The following ACAP2 variants were observed in gnomAD, a reference collection of about 807,000 sequenced individuals.
The protein encoded by ACAP2 is arf-GAP with coiled-coil, ANK repeat and PH domain-containing protein 2.
ACAP2 carries 39 observed loss-of-function variants against 115.8 expected under a neutral mutation model. The ratio of observed to expected loss-of-function variants is 0.34; its 90% CI spans 0.26 to 0.44. The LOEUF (loss-of-function observed/expected upper bound fraction) is 0.44, where lower values mean the gene tolerates loss of function less well. ACAP2 is among the 20% of genes least tolerant of loss of function. The pLI is 1.00. For synonymous variants in ACAP2, 289 were observed against 315.8 expected (o/e 0.92, Z 0.90); for missense variants, 662 against 927.6 (o/e 0.71, Z 3.72).
At chr3:195,336,778 A>C (rs1730535638) in intron 7 of ACAP2, 154 bp downstream of exon 7, 3 of 657,744 alleles carry the variant, frequency 4.6e-6, no homozygotes, top group Non-Finnish European at 8.0e-6. Context: ...GACAAAAAGA[A>C]GTCCAGTGCC....
At chr3:195,290,211 A>T (rs1487272792) in intron 20 of ACAP2, among the ~76,000 whole-genome samples, 6 of 152,050 alleles carry the variant, frequency 3.9e-5, no homozygotes, top group Non-Finnish European at 7.4e-5. Flanking sequence ...TCTAAAAAAA[A>T]TTTAAAAATT....
chr3:195,385,575 T>A (rs1734247169), intron 2 of ACAP2, among the ~76,000 whole-genome samples: 1 of 151,760 alleles, frequency 6.6e-6, no homozygotes, highest in Admixed American at 6.6e-5. Flanking sequence ...AACTTCTAGA[T>A]TAGCAGCAAG....
intron 9 of ACAP2, among the ~76,000 whole-genome samples, chr3:195,321,841 G>A (rs1729476546): frequency 6.6e-6 from 1 of 152,016 alleles, no homozygotes; most frequent in African/African-American, 2.4e-5. Context: ...TCAAACTCCT[G>A]ACTTCAAGTG....
At chr3:195,429,378 C>CAAA (rs546876570) in intron 1 of ACAP2, among the ~76,000 whole-genome samples, 4 of 89,064 alleles carry the variant, frequency 4.5e-5, no homozygotes, top group East Asian at 2.6e-4. Flanking sequence ...GACTCCATCT[C>CAAA]AAAAAAAAAA....
intron 4 of ACAP2, among the ~76,000 whole-genome samples, chr3:195,353,818 TTC>T: frequency 6.6e-6 from 1 of 152,332 alleles, no homozygotes; most frequent in Middle Eastern, 3.4e-3. Context: ...TTTTTCTCTT[TTC>T]TGCTTTTCAA....
chr3:195,343,619 C>T (rs747267987), intron 5 of ACAP2, among the ~76,000 whole-genome samples: 2 of 152,144 alleles, frequency 1.3e-5, no homozygotes, highest in East Asian at 1.9e-4. Context: ...TCTGTGGTCT[C>T]ACATTATTGC....
At chr3:195,414,094 A>C (rs758924889) in intron 1 of ACAP2, among the ~76,000 whole-genome samples, 26 of 152,204 alleles carry the variant, frequency 1.7e-4, no homozygotes, top group Non-Finnish European at 3.5e-4. Flanking sequence ...AGAGAATTGC[A>C]GATTAAACAA....
chr3:195,377,570 A>T (rs1035359780), intron 4 of ACAP2, among the ~76,000 whole-genome samples: 3 of 152,180 alleles, frequency 2.0e-5, no homozygotes. Flanking sequence ...AATTAACGTG[A>T]AGTATAACAG....
chr3:195,369,606 G>C (rs1306046840), intron 4 of ACAP2, among the ~76,000 whole-genome samples: 1 of 152,156 alleles, frequency 6.6e-6, no homozygotes, highest in Non-Finnish European at 1.5e-5. Flanking sequence ...TTTTATGGCT[G>C]CACAGTATTC....
At chr3:195,287,129 G>A (rs1726895116) in intron 21 of ACAP2, among the ~76,000 whole-genome samples, 1 of 152,196 alleles carries the variant, frequency 6.6e-6, no homozygotes, top group Admixed American at 6.6e-5. Flanking sequence ...CTTCTCCAAT[G>A]AGGGGGGATA....
intron 1 of ACAP2, among the ~76,000 whole-genome samples, chr3:195,423,798 T>A (rs567495299): frequency 6.6e-6 from 1 of 152,296 alleles, no homozygotes; most frequent in African/African-American, 2.4e-5. Flanking sequence ...AAATTTTATA[T>A]AATTTTCATG....
In ACAP2 at chr3:195,302,152, G is replaced by A; in HGVS notation, c.1139C>T (p.Pro380Leu). Residue 380 changes from proline (P) to leucine (L), a missense_variant, in exon 14 of 23, where the codon CCA becomes CTA. By Grantham distance (98) the Pro-to-Leu change is moderately conservative. Coordinates refer to ENST00000326793, the MANE Select transcript of ACAP2 (RefSeq NM_012287.6). The part of the protein sequence containing the change: ...ESEKLDKKSS[P>L]STGSLDSGNE... Reference sequence around the variant, plus strand: ...TCCAGAATCTAGGCTTCCTGTGGATGGAGATGATTTCTTATCCAGCTTCTA... The same window carrying A: ...TCCAGAATCTAGGCTTCCTGTGGATAGAGATGATTTCTTATCCAGCTTCTA... 6.2e-7 allele frequency: 1 copy of A among 1,613,140 alleles called. No individual in the cohort carries two copies. The highest frequency in any genetic ancestry group is 8.5e-7 in the Non-Finnish European group (1 of 1,179,680).
rs1457935285 is a variant in ACAP2, at chr3:195,381,850, AT to A, written c.231+52del. On this transcript the variant is annotated intron_variant, in intron 3 of 22. Transcript: ENST00000326793. ...AGGTAGATGAATGCACAATTCTTTA[AT>A]GTCTTATTGCTTTTTTTTTTCATTT... is the stretch of plus-strand genomic sequence containing the variant. 1.9e-6 allele frequency: 3 copies of A among 1,550,856 alleles called. No homozygotes were observed. In the African/African-American group the frequency reaches 4.2e-5, roughly 22 times the overall value.
Position 195,279,102 on chromosome 3 carries a change from G to A in ACAP2, c.*226C>T, listed in dbSNP as rs1207830797. On this transcript the variant is annotated 3_prime_UTR_variant, in exon 23 of 23. Transcript: ENST00000326793. ...GACTGAACTTCTGTCTACAGAAATA[G>A]CCCTTTAAATAGGCTTTTTTAATAA... 5.5e-6 allele frequency: 2 copies of A among 365,734 alleles called. No homozygotes were observed. The highest frequency in any genetic ancestry group is 9.7e-6 in the Non-Finnish European group (2 of 206,808). The allele number at this position is 365,734 out of a possible 1,614,324, so 22.7% of individuals were successfully genotyped here.
At chr3:195,425,284 T>C (rs559198413) in intron 1 of ACAP2, among the ~76,000 whole-genome samples, 1 of 152,212 alleles carries the variant, frequency 6.6e-6, no homozygotes, top group South Asian at 2.1e-4. Context: ...AGTTACTACA[T>C]TGTAAAAGGA....
At chr3:195,424,283 A>ATT (rs1162275706) in intron 1 of ACAP2, among the ~76,000 whole-genome samples, 22 of 54,114 alleles carry the variant, frequency 4.1e-4, no homozygotes, top group African/African-American at 5.7e-4. Context: ...ATATATATAT[A>ATT]TTTTTTTTTT....
At chr3:195,413,669 A>G (rs906648541) in intron 1 of ACAP2, among the ~76,000 whole-genome samples, 1 of 152,224 alleles carries the variant, frequency 6.6e-6, no homozygotes, top group African/African-American at 2.4e-5. Context: ...GAATCGCTTG[A>G]ACCCAGGAGG....
chr3:195,399,693 T>C (rs956250970), intron 1 of ACAP2, among the ~76,000 whole-genome samples: 1 of 151,456 alleles, frequency 6.6e-6, no homozygotes, highest in Non-Finnish European at 1.5e-5. Context: ...ATAAAAACCA[T>C]CAGGGGCCAT....
At chr3:195,328,697 C>A (rs1577308447) in intron 8 of ACAP2, among the ~76,000 whole-genome samples, 1 of 152,218 alleles carries the variant, frequency 6.6e-6, no homozygotes, top group South Asian at 2.1e-4. Flanking sequence ...AGGTAGCCCT[C>A]AAATTCAAAA....
Sources: gnomAD v4.1 joint callset for allele counts (sites outside exome capture counted in the v4.1 genomes callset) on GRCh38, gnomAD v4.1.1 for gene constraint, MANE v1.5 for transcripts, NCBI Gene and HGNC (gene_info 2026-07-23, HGNC 2026-07-21) for gene names.